ASIP: variants seen among roughly 807,000 people sequenced by gnomAD.
ASIP encodes agouti signaling protein, also known as agouti-signaling protein.
Under a neutral mutation model 10.3 loss-of-function variants are expected in ASIP, and 11 were observed. The observed-to-expected ratio is 1.07, with a 90% CI of 0.68 to 1.78. The LOEUF is 1.78. Ranked by LOEUF, ASIP falls within the 40% of genes most tolerant of loss-of-function variation. ASIP has a pLI of 0.00. For missense variants in ASIP, 180 were observed against 169.2 expected (o/e 1.06, Z -0.35); for synonymous variants, 70 against 70.8 (o/e 0.99, Z 0.06).
At chr20:34,217,563 GTATT>G (rs200194445) in intron 1 of ASIP, among the ~76,000 whole-genome samples, 2 of 151,714 alleles carry the variant, frequency 1.3e-5, no homozygotes, top group Non-Finnish European at 1.5e-5. Flanking sequence ...GCTTATTTAT[GTATT>G]TATTTATTTA....
intron 1 of ASIP, among the ~76,000 whole-genome samples, chr20:34,207,158 A>C (rs916371911): frequency 2.0e-5 from 3 of 152,124 alleles, no homozygotes; most frequent in Admixed American, 6.5e-5. Context: ...CATCCTTACC[A>C]GCATTTGTTA....
upstream of ASIP, among the ~76,000 whole-genome samples, chr20:34,240,593 G>A (rs189489035): frequency 2.1e-3 from 321 of 152,186 alleles, 2 homozygotes; most frequent in African/African-American, 7.5e-3. Flanking sequence ...TAATAAGGTG[G>A]GCTGGGCCTC....
chr20:34,193,338 GATA>G (rs1333596553), upstream of ASIP, among the ~76,000 whole-genome samples: 1 of 152,178 alleles, frequency 6.6e-6, no homozygotes, highest in East Asian at 1.9e-4. Flanking sequence ...TTGGAAAAGG[GATA>G]ATAAGCCAAA....
chr20:34,252,369 G>C (rs2035491526), intron 1 of ASIP, among the ~76,000 whole-genome samples: 1 of 152,178 alleles, frequency 6.6e-6, no homozygotes, highest in African/African-American at 2.4e-5. Context: ...GGAAACATGT[G>C]AGCAAAGGAA....
chr20:34,223,528 GCCATCC>G (rs2035068703), intron 1 of ASIP, among the ~76,000 whole-genome samples: 1 of 120,784 alleles, frequency 8.3e-6, no homozygotes, highest in African/African-American at 7.7e-5. Flanking sequence ...GGCCAGCCGT[GCCATCC>G]GGGAGGGAGG....
At chr20:34,186,996 T>C in the ASIP span, among the ~76,000 whole-genome samples, 1 of 152,128 alleles carries the variant, frequency 6.6e-6, no homozygotes, top group South Asian at 2.1e-4. Context: ...GTATTTTTAC[T>C]AGAGACGGGG....
intron 1 of ASIP, among the ~76,000 whole-genome samples, chr20:34,252,403 G>A (rs2035491801): frequency 6.6e-6 from 1 of 152,166 alleles, no homozygotes; most frequent in African/African-American, 2.4e-5. Flanking sequence ...TAAGTTCAAG[G>A]AAAGGTACTG....
chr20:34,194,449 T>C (rs1015562465), upstream of ASIP: 1 of 151,742 alleles, frequency 6.6e-6, no homozygotes, highest in East Asian at 1.9e-4. Context: ...TGATTATTTA[T>C]AGCTCCTTTC....
intron 1 of ASIP, among the ~76,000 whole-genome samples, chr20:34,243,940 C>T (rs1054865524): frequency 1.3e-5 from 2 of 152,068 alleles, no homozygotes; most frequent in Non-Finnish European, 2.9e-5. Context: ...TGGCGGGCGC[C>T]TGTAGTCCCA....
intron 1 of ASIP, among the ~76,000 whole-genome samples, chr20:34,227,834 A>G (rs1476770323): frequency 6.6e-6 from 1 of 152,186 alleles, no homozygotes; most frequent in East Asian, 1.9e-4. Flanking sequence ...TCAAAAAAGA[A>G]CAGTTTGAAG....
intron 1 of ASIP, among the ~76,000 whole-genome samples, chr20:34,207,419 C>G (rs2122545108): frequency 6.6e-6 from 1 of 152,274 alleles, no homozygotes; most frequent in East Asian, 1.9e-4. Flanking sequence ...CTTACATATT[C>G]TGGTTATTAA....
intron 1 of ASIP, among the ~76,000 whole-genome samples, chr20:34,222,961 G>T (rs1027732536): frequency 2.0e-5 from 3 of 152,088 alleles, no homozygotes; most frequent in South Asian, 4.2e-4. Flanking sequence ...GTGCAGTGGC[G>T]TGATCTCGGC....
rs1218863460 is a variant in ASIP at position 34,269,035 on chromosome 20, A to G, written c.267A>G (p.Leu89=). 6.2e-7 allele frequency: 1 copy of G among 1,607,426 alleles called. No individual in the cohort carries two copies. The highest frequency in any genetic ancestry group is 8.5e-7 in the Non-Finnish European group (1 of 1,177,716). The change falls in exon 4 of 4, where the codon CTA becomes CTG. Residue 89 remains leucine (L), a synonymous_variant. Coordinates refer to ENST00000374954, the MANE Select transcript of ASIP (RefSeq NM_001672.3). The part of the protein sequence containing the change: ...MKKVVRPRTP[L]SAPCVATRNS... Reference sequence around the variant, plus strand: ...AAGTGGTGCGGCCCCGGACCCCCCTATCTGCGCCCTGCGTGGCCACCCGCA... The same window carrying G: ...AAGTGGTGCGGCCCCGGACCCCCCTGTCTGCGCCCTGCGTGGCCACCCGCA...
At position 34,269,058 on chromosome 20, in the gene ASIP, G is replaced by A. The variant is rs776744511; in HGVS notation, c.290G>A (p.Arg97His). ...TPLSAPCVAT[R>H]NSCKPPAPAC... is the part of the protein sequence containing the mutation. ...CTATCTGCGCCCTGCGTGGCCACCC[G>A]CAACAGCTGCAAGCCGCCGGCACCC... Residue 97 changes from arginine (R) to histidine (H), a missense_variant, in exon 4 of 4, where the codon CGC becomes CAC. Coordinates refer to ENST00000374954, the MANE Select transcript of ASIP (RefSeq NM_001672.3). 12 of 1,596,312 alleles carry A rather than the reference G, an allele frequency of 7.5e-6. No homozygotes were observed. In the South Asian group the frequency reaches 9.0e-5, roughly 12 times the overall value.
chr20:34,196,054 T>C (rs1250106495), intron 1 of ASIP, among the ~76,000 whole-genome samples: 2 of 151,904 alleles, frequency 1.3e-5, no homozygotes, highest in Non-Finnish European at 2.9e-5. Context: ...CTTCTGCCTA[T>C]GGGTAAGCAT....
intron 1 of ASIP, chr20:34,215,759 C>T (rs137926609): frequency 2.4e-5 from 36 of 1,516,640 alleles, no homozygotes; most frequent in Non-Finnish European, 3.1e-5. Flanking sequence ...ACTATATGTC[C>T]TCTGGGCTAG....
intron 1 of ASIP, among the ~76,000 whole-genome samples, chr20:34,203,605 C>A (rs1359112807): frequency 6.6e-6 from 1 of 152,044 alleles, no homozygotes; most frequent in African/African-American, 2.4e-5. Flanking sequence ...CCACGTTGGC[C>A]TGGCTGGTCT....
chr20:34,241,127 C>A (rs945851038), upstream of ASIP, among the ~76,000 whole-genome samples: 2 of 152,180 alleles, frequency 1.3e-5, no homozygotes, highest in Non-Finnish European at 2.9e-5. Context: ...AAACAATTTT[C>A]TTTTCTTCTG....
intron 2 of ASIP, among the ~76,000 whole-genome samples, chr20:34,261,927 A>G (rs1428335223): frequency 6.6e-6 from 1 of 152,146 alleles, no homozygotes; most frequent in Admixed American, 6.6e-5. Flanking sequence ...AGCCTGGCCA[A>G]CATGGCAAAA....
Sources: allele counts gnomAD v4.1 joint callset (sites outside exome capture counted in the v4.1 genomes callset), GRCh38; gene constraint gnomAD v4.1.1; transcripts MANE v1.5; gene names NCBI Gene and HGNC (gene_info 2026-07-23, HGNC 2026-07-21).